Variants in RTN1 observed in about 807,000 individuals in gnomAD.
RTN1 encodes reticulon 1, also known as reticulon-1.
In RTN1, 25 loss-of-function variants were observed where a neutral mutation model predicts 65.5. The ratio of observed to expected loss-of-function variants is 0.38; its 90% CI spans 0.28 to 0.53. RTN1 has a LOEUF of 0.53. Ranked by LOEUF, RTN1 falls within the 20% of genes least tolerant of loss-of-function variation. The pLI, the probability that RTN1 is intolerant of heterozygous loss-of-function variation, is 0.79. For synonymous variants in RTN1, 471 were observed against 447.6 expected (o/e 1.05, Z -0.66); for missense variants, 983 against 1,025.4 (o/e 0.96, Z 0.57).
At position 59,790,681 on chromosome 14, in the gene RTN1, A is replaced by G. The variant is rs982190986; in HGVS notation, c.242-44200T>C. On this transcript the variant is annotated intron_variant, in intron 1 of 8. Coordinates refer to ENST00000267484, the MANE Select transcript of RTN1 (RefSeq NM_021136.3). This position sits in a 1 kb window ranked among gnomAD's most constrained non-coding sequence, Gnocchi z 4.1. ...GTTTACTCTTTTGATGTGTAAAATC[A>G]GTTACTTCAAGACTTTTTTTGCAAG... Among the ~76,000 whole-genome samples, 1 of 152,164 alleles carries G rather than the reference A, an allele frequency of 6.6e-6. No individual in the cohort carries two copies. The highest frequency in any genetic ancestry group is 2.4e-5 in the African/African-American group (1 of 41,454).
intron 2 of RTN1, among the ~76,000 whole-genome samples, chr14:59,739,540 CAAA>C (rs34758637): frequency 3.5e-5 from 4 of 113,014 alleles, no homozygotes; most frequent in Non-Finnish European, 5.6e-5. Flanking sequence ...GACTCTGTCT[CAAA>C]AAAAAAAAAA....
chr14:59,820,770 G>A (rs1245218479), intron 1 of RTN1, among the ~76,000 whole-genome samples: 1 of 152,188 alleles, frequency 6.6e-6, no homozygotes, highest in Non-Finnish European at 1.5e-5. Context: ...TGGGGATATA[G>A]TCAAACTTTA....
rs114296253 is a variant in RTN1, at chr14:59,816,663, G to A, written c.241+53727C>T. On this transcript the variant is annotated intron_variant, in intron 1 of 8. Coordinates refer to ENST00000267484, the MANE Select transcript of RTN1 (RefSeq NM_021136.3). The surrounding 1 kb of genome is among the most constrained non-coding windows in gnomAD (Gnocchi z 4.3). Reference sequence around the variant, plus strand: ...AAATACCCAGTACTAGCGGGGCACAGTGGCTCATGCCTGTAATCCCAGCAC... The same window carrying A: ...AAATACCCAGTACTAGCGGGGCACAATGGCTCATGCCTGTAATCCCAGCAC... Among the ~76,000 whole-genome samples, 1,704 of 152,326 alleles carry A rather than the reference G, an allele frequency of 0.011. 29 individuals are homozygous for A. The highest frequency in any genetic ancestry group is 0.037 in the African/African-American group (1,557 of 41,546).
At chr14:59,628,571 G>A (rs1882460930) in intron 3 of RTN1, among the ~76,000 whole-genome samples, 1 of 152,166 alleles carries the variant, frequency 6.6e-6, no homozygotes, top group Non-Finnish European at 1.5e-5. Context: ...TAATGGATTT[G>A]TTCCATCTAA....
At chr14:59,713,458 C>T (rs1884465703) in intron 3 of RTN1, among the ~76,000 whole-genome samples, 1 of 152,186 alleles carries the variant, frequency 6.6e-6, no homozygotes, top group African/African-American at 2.4e-5. Context: ...GGATGAAGTT[C>T]CCCTCATACA....
rs985342394 is a variant in RTN1, at chr14:59,832,260, A to G, written c.241+38130T>C. Among the ~76,000 whole-genome samples, 4 of 152,228 alleles carry G rather than the reference A, an allele frequency of 2.6e-5. No homozygotes were observed. In the East Asian group the frequency reaches 7.7e-4, roughly 29 times the overall value. On this transcript the variant is annotated intron_variant, in intron 1 of 8. Transcript: ENST00000267484. ...ACACTCTTTTCCATATTGAAGAACA[A>G]TTTGGTTGCATGAGCTCCAATATTT...
intron 1 of RTN1, among the ~76,000 whole-genome samples, chr14:59,843,023 T>TA (rs1165254645): frequency 5.9e-5 from 9 of 152,218 alleles, no homozygotes; most frequent in Non-Finnish European, 1.0e-4. Flanking sequence ...GTTCACAAAA[T>TA]ATGTTCAAGA....
At chr14:59,655,671 C>T (rs1883108083) in intron 3 of RTN1, among the ~76,000 whole-genome samples, 1 of 152,182 alleles carries the variant, frequency 6.6e-6, no homozygotes, top group Admixed American at 6.5e-5. Context: ...TAAACCATCA[C>T]ATATATGGTC....
At chr14:59,765,012 G>A (rs1260373241) in intron 1 of RTN1, among the ~76,000 whole-genome samples, 1 of 152,020 alleles carries the variant, frequency 6.6e-6, no homozygotes, top group African/African-American at 2.4e-5. Flanking sequence ...AGTGATCATT[G>A]AAGTCCAGAG....
At chr14:59,709,979 C>A (rs753938975) in intron 3 of RTN1, among the ~76,000 whole-genome samples, 2 of 145,484 alleles carry the variant, frequency 1.4e-5, no homozygotes, top group Non-Finnish European at 3.0e-5. Flanking sequence ...TTCCCTCCCT[C>A]CCTCCCTTCC....
At chr14:59,729,435 A>T (rs10136152) in intron 2 of RTN1, among the ~76,000 whole-genome samples, 70,667 of 151,966 alleles carry the variant, frequency 0.47, 18,441 homozygotes, top group African/African-American at 0.71. Context: ...TCTCATATGA[A>T]TCATGTTTTT....
intron 3 of RTN1, among the ~76,000 whole-genome samples, chr14:59,641,319 C>A (rs1222773570): frequency 1.3e-5 from 2 of 151,940 alleles, no homozygotes; most frequent in Non-Finnish European, 2.9e-5. Flanking sequence ...TTTTATAAAT[C>A]ATTTCTTCTA....
At chr14:59,835,383 T>TTTTTTCTTATTATTGAGTTTCAATA (rs1887196577) in intron 1 of RTN1, among the ~76,000 whole-genome samples, 1 of 152,190 alleles carries the variant, frequency 6.6e-6, no homozygotes, top group Non-Finnish European at 1.5e-5. Flanking sequence ...ATTTCTTGAT[T>TTTTTTCTTATTATTGAGTTTCAATA]GTGGTAATGA....
intron 3 of RTN1, among the ~76,000 whole-genome samples, chr14:59,690,304 TG>T (rs371284799): frequency 0.01 from 1,420 of 141,396 alleles, 16 homozygotes; most frequent in African/African-American, 0.026. Context: ...AGAGCGGAGG[TG>T]GGGGGGGGTC....
intron 1 of RTN1, among the ~76,000 whole-genome samples, chr14:59,841,091 G>A (rs1311897226): frequency 2.0e-5 from 3 of 152,100 alleles, no homozygotes; most frequent in African/African-American, 7.2e-5. Context: ...TACCTCATAA[G>A]CAGAAGTGAA....
intron 1 of RTN1, among the ~76,000 whole-genome samples, chr14:59,761,391 T>G (rs1188585906): frequency 6.6e-6 from 1 of 152,166 alleles, no homozygotes; most frequent in Non-Finnish European, 1.5e-5. Flanking sequence ...ATAAGGGGCT[T>G]TCCCCATTTT....
intron 1 of RTN1, among the ~76,000 whole-genome samples, chr14:59,755,380 TA>T (rs1346702797): frequency 6.6e-6 from 1 of 152,082 alleles, no homozygotes; most frequent in Non-Finnish European, 1.5e-5. Flanking sequence ...GTGGGCATAA[TA>T]AAAAACTGTA....
chr14:59,640,524 C>A (rs1389975630), intron 3 of RTN1, among the ~76,000 whole-genome samples: 1 of 152,110 alleles, frequency 6.6e-6, no homozygotes, highest in Non-Finnish European at 1.5e-5. Context: ...ACCATCTTGG[C>A]CAGGATGGTC....
At chr14:59,666,084 A>G (rs1382599757) in intron 3 of RTN1, among the ~76,000 whole-genome samples, 1 of 152,208 alleles carries the variant, frequency 6.6e-6, no homozygotes, top group African/African-American at 2.4e-5. Flanking sequence ...CTCTGCAACA[A>G]GTAGACCTAC....
Sources: allele counts gnomAD v4.1 joint callset (sites outside exome capture counted in the v4.1 genomes callset), GRCh38; gene constraint gnomAD v4.1.1; non-coding constraint Gnocchi (gnomAD v3.1); transcripts MANE v1.5; gene names NCBI Gene and HGNC (gene_info 2026-07-23, HGNC 2026-07-21).